The following CTNNA2 variants were observed in gnomAD, a reference collection of about 807,000 sequenced individuals.
CTNNA2 encodes the protein catenin alpha-2.
CTNNA2 carries 42 observed loss-of-function variants against 101.0 expected under a neutral mutation model. The observed-to-expected ratio is 0.42, with a 90% CI of 0.32 to 0.54. The LOEUF (loss-of-function observed/expected upper bound fraction) is 0.54. Ranked by LOEUF, CTNNA2 falls within the 20% of genes least tolerant of loss-of-function variation. The pLI is 0.14. For synonymous variants in CTNNA2, 450 were observed against 456.4 expected (o/e 0.99, Z 0.18); for missense variants, 871 against 1,223.1 (o/e 0.71, Z 4.29).
intron 2 of CTNNA2, among the ~76,000 whole-genome samples, chr2:79,256,810 T>C (rs1033399852): frequency 2.6e-5 from 4 of 152,146 alleles, no homozygotes; most frequent in Non-Finnish European, 5.9e-5. Flanking sequence ...ATTTGGAAAA[T>C]GAGGATCATG....
chr2:80,502,996 C>T (rs1470951924), intron 9 of CTNNA2, among the ~76,000 whole-genome samples: 1 of 152,064 alleles, frequency 6.6e-6, no homozygotes, highest in Non-Finnish European at 1.5e-5. Flanking sequence ...ACAAGACCTC[C>T]TTGTTTCTAC....
chr2:80,133,787 A>G (rs1702545066), intron 7 of CTNNA2, among the ~76,000 whole-genome samples: 1 of 152,220 alleles, frequency 6.6e-6, no homozygotes. Context: ...ATGACTAAGC[A>G]AAACAATTTT....
At chr2:79,361,067 A>C (rs1677617409) in intron 3 of CTNNA2, among the ~76,000 whole-genome samples, 1 of 152,204 alleles carries the variant, frequency 6.6e-6, no homozygotes, top group Admixed American at 6.5e-5. Context: ...TTACCCAGAC[A>C]CAGGACTGGA....
At chr2:80,143,635 C>T (rs185393200) in intron 7 of CTNNA2, among the ~76,000 whole-genome samples, 26 of 152,058 alleles carry the variant, frequency 1.7e-4, no homozygotes, top group South Asian at 1.5e-3. Context: ...ATAGATTTCA[C>T]GATATTACGT....
intron 2 of CTNNA2, among the ~76,000 whole-genome samples, chr2:79,719,739 G>A (rs1043591558): frequency 2.0e-5 from 3 of 151,894 alleles, no homozygotes; most frequent in Non-Finnish European, 4.4e-5. Flanking sequence ...GTTTTAATGC[G>A]GTTATTTGTG....
At chr2:79,237,356 C>T (rs1674570044) in intron 2 of CTNNA2, among the ~76,000 whole-genome samples, 1 of 152,176 alleles carries the variant, frequency 6.6e-6, no homozygotes, top group African/African-American at 2.4e-5. Context: ...AACAGATATA[C>T]TGTCATTCAG....
intron 1 of CTNNA2, among the ~76,000 whole-genome samples, chr2:79,555,741 T>C (rs1250231485): frequency 4.6e-5 from 7 of 152,022 alleles, no homozygotes; most frequent in Non-Finnish European, 5.9e-5. Flanking sequence ...ACTCAAAAGA[T>C]ACAAGAAATG....
chr2:80,115,591 GA>G (rs1701466179), intron 7 of CTNNA2, among the ~76,000 whole-genome samples: 1 of 152,178 alleles, frequency 6.6e-6, no homozygotes, highest in Admixed American at 6.5e-5. Context: ...ACGAGAGAGA[GA>G]GGGGGAGACG....
chr2:79,436,684 T>C (rs1252939498), intron 4 of CTNNA2, among the ~76,000 whole-genome samples: 1 of 151,796 alleles, frequency 6.6e-6, no homozygotes, highest in East Asian at 2.0e-4. Context: ...CAGGCTGCAG[T>C]GCAGTGGCGC....
chr2:79,711,228 T>G (rs1292841226), intron 2 of CTNNA2, among the ~76,000 whole-genome samples: 7 of 152,328 alleles, frequency 4.6e-5, no homozygotes, highest in Non-Finnish European at 8.8e-5. Context: ...TATTTTTGTC[T>G]GGTGGGAATG....
intron 2 of CTNNA2, among the ~76,000 whole-genome samples, chr2:79,253,826 G>A (rs530168260): frequency 1.8e-4 from 27 of 152,210 alleles, no homozygotes; most frequent in South Asian, 4.1e-4. Context: ...TGTATTTGTC[G>A]GTGATAGAGT....
At chr2:80,374,194 G>A (rs1478016300) in intron 7 of CTNNA2, among the ~76,000 whole-genome samples, 1 of 152,144 alleles carries the variant, frequency 6.6e-6, no homozygotes, top group Non-Finnish European at 1.5e-5. Flanking sequence ...GTAATCAACA[G>A]GTAGTTTTTC....
intron 7 of CTNNA2, among the ~76,000 whole-genome samples, chr2:79,924,572 G>A (rs776132336): frequency 6.6e-6 from 1 of 152,112 alleles, no homozygotes; most frequent in Non-Finnish European, 1.5e-5. Flanking sequence ...TTGTTTTTAA[G>A]CAAGGTTTTA....
At chr2:80,188,262 A>G (rs979797472) in intron 7 of CTNNA2, among the ~76,000 whole-genome samples, 3 of 152,210 alleles carry the variant, frequency 2.0e-5, no homozygotes, top group African/African-American at 7.2e-5. Flanking sequence ...GAAAATGTGA[A>G]TGTGAAGATC....
chr2:80,008,215 T>C (rs1693514787), intron 7 of CTNNA2, among the ~76,000 whole-genome samples: 1 of 152,194 alleles, frequency 6.6e-6, no homozygotes, highest in Non-Finnish European at 1.5e-5. Context: ...TGCAGTTACC[T>C]CTTTGGAAGA....
chr2:80,043,065 TTC>T (rs1558754774), intron 7 of CTNNA2, among the ~76,000 whole-genome samples: 17 of 52,658 alleles, frequency 3.2e-4, no homozygotes, highest in Non-Finnish European at 6.5e-4. Context: ...CTTTCTTTCT[TTC>T]TTTCTTTCTT....
chr2:79,759,157 TG>T (rs1482675291), intron 3 of CTNNA2, among the ~76,000 whole-genome samples: 4 of 152,138 alleles, frequency 2.6e-5, no homozygotes, highest in Non-Finnish European at 5.9e-5. Context: ...CCTACTCTTT[TG>T]TTGCCACAGT....
At chr2:80,177,130 G>A (rs1838253) in intron 7 of CTNNA2, among the ~76,000 whole-genome samples, 32,794 of 152,064 alleles carry the variant, frequency 0.22, 5,359 homozygotes, top group African/African-American at 0.45. Flanking sequence ...AGGGTGATGG[G>A]GAACATGGTG....
At chr2:79,543,261 G>A (rs1166201724) in intron 1 of CTNNA2, among the ~76,000 whole-genome samples, 1 of 152,090 alleles carries the variant, frequency 6.6e-6, no homozygotes, top group Non-Finnish European at 1.5e-5. Context: ...AAACAAAACC[G>A]TGTAATATCC....
Sources: gnomAD v4.1 joint callset for allele counts (sites outside exome capture counted in the v4.1 genomes callset) on GRCh38, gnomAD v4.1.1 for gene constraint, MANE v1.5 for transcripts, NCBI Gene and HGNC (gene_info 2026-07-23, HGNC 2026-07-21) for gene names.